RANBP2: variants seen among roughly 807,000 people sequenced by gnomAD.
RANBP2 encodes E3 SUMO-protein ligase RanBP2.
Under a neutral mutation model 303.6 loss-of-function variants are expected in RANBP2, and 57 were observed. That is an observed-to-expected ratio of 0.19 (90% CI 0.15 to 0.23). The LOEUF (loss-of-function observed/expected upper bound fraction) is 0.23. Ranked by LOEUF, RANBP2 falls within the 10% of genes least tolerant of loss-of-function variation. The pLI is 1.00. For missense variants in RANBP2, 3,138 were observed against 3,780.8 expected (o/e 0.83, Z 4.46); for synonymous variants, 1,167 against 1,301.5 (o/e 0.90, Z 2.23).
At chr2:109,283,909 G>C in the RANBP2 span, among the ~76,000 whole-genome samples, 1 of 152,124 alleles carries the variant, frequency 6.6e-6, no homozygotes, top group Admixed American at 6.5e-5. Context: ...CTTATCAAAT[G>C]ACCCCCAGAT....
In RANBP2 at chr2:108,764,978, A is replaced by G; in HGVS notation, c.4439A>G (p.Glu1480Gly). 1 of 1,614,092 alleles carries G rather than the reference A, an allele frequency of 6.2e-7. No individual in the cohort carries two copies. The highest frequency in any genetic ancestry group is 8.5e-7 in the Non-Finnish European group (1 of 1,179,984). The change falls in exon 20 of 29, where the codon GAA becomes GGA. Residue 1480 changes from glutamate (E) to glycine (G), a missense_variant. Physicochemically the swap from Glu to Gly is moderately conservative, Grantham distance 98. Transcript: ENST00000283195. ...SDFRSVFSTK[E>G]GQWDCSACLV... ...TTCAGATCTGTTTTTTCTACAAAGG[A>G]AGGACAGTGGGATTGCAGTGCATGT... is the stretch of plus-strand genomic sequence containing the variant.
chr2:108,969,807 T>C, the RANBP2 span, among the ~76,000 whole-genome samples: 11 of 152,108 alleles, frequency 7.2e-5, no homozygotes, highest in Admixed American at 4.6e-4. Context: ...AAACCCAAAA[T>C]ATTAATAACA....
the RANBP2 span, among the ~76,000 whole-genome samples, chr2:109,244,032 A>T: frequency 2.0e-5 from 3 of 152,242 alleles, no homozygotes; most frequent in Non-Finnish European, 4.4e-5. Flanking sequence ...ATCATTAAAC[A>T]GTGAGATGGG....
chr2:109,606,474 T>C, the RANBP2 span, among the ~76,000 whole-genome samples: 1 of 152,136 alleles, frequency 6.6e-6, no homozygotes, highest in Non-Finnish European at 1.5e-5. Flanking sequence ...CCATGGTGAA[T>C]GCACTTCAGC....
chr2:109,535,397 C>T, the RANBP2 span, among the ~76,000 whole-genome samples: 1 of 152,158 alleles, frequency 6.6e-6, no homozygotes, highest in African/African-American at 2.4e-5. Flanking sequence ...ACTATGCCTC[C>T]CATGGAATGC....
At chr2:109,647,155 CTTTTTTTTTT>C in the RANBP2 span, among the ~76,000 whole-genome samples, 7 of 71,474 alleles carry the variant, frequency 9.8e-5, no homozygotes, top group African/African-American at 2.2e-4. Context: ...GCTCTCCTCA[CTTTTTTTTTT>C]TTTTTTTTTT....
chr2:109,256,307 A>C, the RANBP2 span, among the ~76,000 whole-genome samples: 1 of 152,178 alleles, frequency 6.6e-6, no homozygotes, highest in Non-Finnish European at 1.5e-5. Flanking sequence ...GGGGAAGTTG[A>C]CGCTGTGACG....
chr2:109,243,285 A>G, the RANBP2 span, among the ~76,000 whole-genome samples: 1 of 152,246 alleles, frequency 6.6e-6, no homozygotes, highest in Non-Finnish European at 1.5e-5. Flanking sequence ...CGTCAGCCGT[A>G]CACCGCATGG....
At chr2:109,009,460 C>T in the RANBP2 span, among the ~76,000 whole-genome samples, 1 of 152,034 alleles carries the variant, frequency 6.6e-6, no homozygotes, top group South Asian at 2.1e-4. Context: ...AAAAAGAAAT[C>T]AAAGTTCATC....
At chr2:108,985,941 C>G in the RANBP2 span, among the ~76,000 whole-genome samples, 1 of 152,176 alleles carries the variant, frequency 6.6e-6, no homozygotes, top group South Asian at 2.1e-4. Flanking sequence ...GAAGACACTT[C>G]AGGTTGTAGG....
chr2:108,853,970 A>ATATATACTATATAATATATAATAAATT, the RANBP2 span, among the ~76,000 whole-genome samples: 1 of 106,712 alleles, frequency 9.4e-6, no homozygotes, highest in South Asian at 2.7e-4. Flanking sequence ...ATAATAAAAT[A>ATATATACTATATAATATATAATAAATT]TATATAATAT....
the RANBP2 span, among the ~76,000 whole-genome samples, chr2:108,968,332 G>A: frequency 6.6e-6 from 1 of 152,158 alleles, no homozygotes; most frequent in Non-Finnish European, 1.5e-5. Flanking sequence ...AGGTCTTCAA[G>A]CCTTTTTTTG....
At chr2:109,327,048 T>G in the RANBP2 span, among the ~76,000 whole-genome samples, 2 of 152,260 alleles carry the variant, frequency 1.3e-5, no homozygotes, top group African/African-American at 4.8e-5. Context: ...TGTCTTTTGA[T>G]AAATGGAAGG....
At chr2:109,144,911 C>T in the RANBP2 span, among the ~76,000 whole-genome samples, 2 of 152,184 alleles carry the variant, frequency 1.3e-5, no homozygotes, top group African/African-American at 2.4e-5. Context: ...GGTGCTGGGG[C>T]GGTGTGGACA....
At chr2:109,057,989 C>T in the RANBP2 span, among the ~76,000 whole-genome samples, 8 of 152,130 alleles carry the variant, frequency 5.3e-5, no homozygotes, top group Non-Finnish European at 8.8e-5. Context: ...TTTGTGGCTG[C>T]GGAGGGGCAG....
chr2:108,729,283 T>C lies in RANBP2; in HGVS notation c.140+84T>C, dbSNP rs540640574. 5.2e-4 allele frequency: 698 copies of C among 1,349,982 alleles called. 1 individual carries two copies. The African/African-American group carries it at 8.6e-3, about 17-fold the overall frequency. 83.6% of individuals were successfully genotyped at this position (1,349,982 alleles called of 1,614,324 possible). A position where few individuals can be genotyped will look rare whatever the true frequency, so the allele number is the denominator to read the frequency against. ...TTCTTTGAAATAGGTAAAAATATGT[T>C]CTTAGTAGTTCTTCCTAAGTGTATT... is the stretch of plus-strand genomic sequence containing the variant. On this transcript the variant is annotated intron_variant, in intron 2 of 28. Coordinates refer to ENST00000283195, the MANE Select transcript of RANBP2 (RefSeq NM_006267.5).
downstream of RANBP2, chr2:108,788,090 G>A (rs779430850): frequency 7.5e-6 from 12 of 1,601,572 alleles, no homozygotes; most frequent in South Asian, 1.0e-4. Context: ...ACCTCCCCAG[G>A]TAAGCCGGTA....
chr2:108,783,761 G>A lies in RANBP2; in HGVS notation c.9535G>A (p.Ala3179Thr), dbSNP rs1678420766. ...TCAATTTGTTATAACACTGAAGAAA[G>A]CAGAACATTTGGACTTTAAGCATGT... ...NSQFVITLKKAEHLDFKHVVF... is the reference protein window; with the variant it reads ...NSQFVITLKKTEHLDFKHVVF... Residue 3179 changes from alanine to threonine, a missense_variant, in exon 29 of 29, where the codon GCA (alanine) becomes ACA (threonine). This residue lies in a region of RANBP2 where 204 missense variants were observed against 228.4 expected (regional missense o/e 0.89). Coordinates refer to ENST00000283195, the MANE Select transcript of RANBP2 (RefSeq NM_006267.5). The A allele has an allele frequency of 6.2e-7, 1 of 1,613,270 alleles. No homozygotes were observed. Among genetic ancestry groups the A allele is most frequent in the Admixed American group, 1.7e-5 (1 of 60,016 alleles).
At chr2:109,495,770 C>T in the RANBP2 span, among the ~76,000 whole-genome samples, 1 of 152,082 alleles carries the variant, frequency 6.6e-6, no homozygotes, top group Non-Finnish European at 1.5e-5. Context: ...GGGCGTGAGG[C>T]GTGAGCCACT....
Sources: allele counts gnomAD v4.1 joint callset (sites outside exome capture counted in the v4.1 genomes callset), GRCh38; gene constraint gnomAD v4.1.1; regional missense constraint gnomAD v4.1.1; transcripts MANE v1.5; gene names NCBI Gene and HGNC (gene_info 2026-07-23, HGNC 2026-07-21).